The following HLA-DOA variants were observed in gnomAD, a reference collection of about 807,000 sequenced individuals.
The protein encoded by HLA-DOA is HLA class II histocompatibility antigen, DO alpha chain.
A neutral mutation model predicts 22.9 loss-of-function variants in HLA-DOA; 27 were observed. The ratio of observed to expected loss-of-function variants is 1.18; its 90% CI spans 0.87 to 1.62. The LOEUF is 1.62. HLA-DOA is among the 40% of genes most tolerant of loss of function. The probability of loss-of-function intolerance (pLI) is 0.00; values close to 1 mark genes in which losing one functional copy is unlikely to be tolerated. For synonymous variants in HLA-DOA, 137 were observed against 138.6 expected, an observed-to-expected ratio of 0.99 and a Z score of 0.08; for missense variants, 324 against 332.4, an observed-to-expected ratio of 0.97 and a Z score of 0.20.
rs2127549503 is a variant in HLA-DOA at position 33,007,108 on chromosome 6, T to C, written c.721A>G (p.Met241Val). 4.3e-6 allele frequency: 7 copies of C among 1,613,568 alleles called. No homozygotes were observed. Among genetic ancestry groups the C allele is most frequent in the Non-Finnish European group, 5.9e-6 (7 of 1,179,896 alleles). ...GFLVGTVLIIMGTYVSSVPR is the reference protein window; with the variant it reads ...GFLVGTVLIIVGTYVSSVPR The stretch of plus-strand genomic sequence containing the variant: ...GGGACACTGGACACATATGTGCCCA[T>C]GATGATGAGGACGGTGCCCACGAGG... Residue 241 changes from methionine (M) to valine (V), a missense_variant, in exon 4 of 5, where the codon ATG becomes GTG. Met to Val is a conservative substitution (Grantham distance 21, BLOSUM62 1). Transcript: ENST00000229829.
chr6:33,008,241 C>G lies in HLA-DOA; in HGVS notation c.103G>C (p.Gly35Arg). The G allele has an allele frequency of 6.2e-7, 1 of 1,612,868 alleles. No individual in the cohort carries two copies. The highest frequency in any genetic ancestry group is 8.5e-7 in the Non-Finnish European group (1 of 1,179,998). Reference protein sequence around the residue: ...ATKADHMGSYGPAFYQSYGAS... With the variant: ...ATKADHMGSYRPAFYQSYGAS... ...CCGTAAGACTGGTAGAAGGCGGGTC[C>G]GTAGGAGCCCATGTGGTCAGCTGTG... Residue 35 changes from glycine to arginine, a missense_variant, in exon 2 of 5, where the codon GGA becomes CGA. Transcript: ENST00000229829.
At chr6:33,008,498 A>G (rs1026549678) in intron 1 of HLA-DOA, 2 of 1,155,416 alleles carry the variant, frequency 1.7e-6, no homozygotes, top group African/African-American at 3.2e-5. Context: ...GCATATCAGG[A>G]TGGGAAGAGG....
intron 1 of HLA-DOA, among the ~76,000 whole-genome samples, chr6:33,008,748 C>T (rs1197081910): frequency 7.2e-5 from 11 of 151,978 alleles, no homozygotes; most frequent in Non-Finnish European, 1.5e-4. Context: ...ACCCAGAGAC[C>T]AAGGGGATAG....
At position 33,006,403 on chromosome 6, in the gene HLA-DOA, T is replaced by C. The variant is rs1229690817; in HGVS notation, c.*435A>G. ...GGTAAACCTGAACTCAGGAGGCAAA[T>C]TTCATGAAGTCCATGTGAAATGGCT... On this transcript the variant is annotated 3_prime_UTR_variant, in exon 5 of 5. Transcript: ENST00000229829. The C allele has an allele frequency of 3.7e-6, 1 of 267,196 alleles. No individual in the cohort carries two copies. The highest frequency in any genetic ancestry group is 7.3e-6 in the Non-Finnish European group (1 of 137,210). 16.6% of individuals were successfully genotyped at this position (267,196 alleles called of 1,614,324 possible). A position where few individuals can be genotyped will look rare whatever the true frequency, so the allele number is the denominator to read the frequency against.
chr6:33,009,008 A>G lies in HLA-DOA; in HGVS notation c.82+447T>C, dbSNP rs1780948251. 6.6e-6 allele frequency among the ~76,000 whole-genome samples: 1 copy of G among 152,216 alleles called. No homozygotes were observed. The highest frequency in any genetic ancestry group is 2.4e-5 in the African/African-American group (1 of 41,448). The stretch of plus-strand genomic sequence containing the variant: ...GGGCCAGGGAAATAAAAGAAAAAAA[A>G]GATGAACCATCTGTAGACCCGCACC... On this transcript the variant is annotated intron_variant, in intron 1 of 4. Transcript: ENST00000229829. This position sits in a 1 kb window ranked among gnomAD's most constrained non-coding sequence, Gnocchi z 4.8.
chr6:33,007,910 C>A, intron 2 of HLA-DOA, 103 bp downstream of exon 2: 1 of 1,409,592 alleles, frequency 7.1e-7, no homozygotes, highest in Non-Finnish European at 9.6e-7. Flanking sequence ...ATGACAGGCG[C>A]GGGCGCTGAG....
intron 1 of HLA-DOA, among the ~76,000 whole-genome samples, chr6:33,008,801 G>A (rs1029327563): frequency 2.0e-5 from 3 of 152,168 alleles, no homozygotes; most frequent in African/African-American, 4.8e-5. Flanking sequence ...TGGACGAGGA[G>A]TCAGAAGTCA....
In HLA-DOA at chr6:33,007,163, G is replaced by C. The variant is rs1209899271; in HGVS notation, c.666C>G (p.Ala222=). The C allele has an allele frequency of 6.2e-7, 1 of 1,613,896 alleles. No homozygotes were observed. The highest frequency in any genetic ancestry group is 8.5e-7 in the Non-Finnish European group (1 of 1,180,008). The change falls in exon 4 of 5, where the codon GCC becomes GCG. Residue 222 remains alanine (A), a synonymous_variant. Transcript: ENST00000229829. ...PPDAMETLVC[A]LGLAIGLVGF... ...CCACCAGGCCGATGGCCAGGCCCAGGGCACAGACCAGGGTCTCCATGGCAT... is the reference window on the plus strand; with the variant it reads ...CCACCAGGCCGATGGCCAGGCCCAGCGCACAGACCAGGGTCTCCATGGCAT...
intron 1 of HLA-DOA, chr6:33,008,507 G>A (rs1582987110): frequency 1.9e-6 from 2 of 1,054,050 alleles, no homozygotes; most frequent in East Asian, 3.7e-5. Context: ...GATGGGAAGA[G>A]GAGGGACTGC....
chr6:33,007,084 G>A lies in HLA-DOA; in HGVS notation c.745C>T (p.Pro249Ser). The A allele has an allele frequency of 6.2e-7, 1 of 1,610,402 alleles. No individual in the cohort carries two copies. Among genetic ancestry groups the A allele is most frequent in the South Asian group, 1.1e-5 (1 of 90,824 alleles). ...IIMGTYVSSV[P>S]R ...AGACTCCCGGGGCCTCTGCACCTGG[G>A]GACACTGGACACATATGTGCCCATG... The change falls in exon 4 of 5, where the codon CCC (proline) becomes TCC (serine). Residue 249 changes from proline (P) to serine (S), a missense_variant. Physicochemically the swap from Pro to Ser is moderately conservative, Grantham distance 74 (BLOSUM62 -1). Coordinates refer to ENST00000229829, the MANE Select transcript of HLA-DOA (RefSeq NM_002119.4).
At chr6:33,008,477 A>G in intron 1 of HLA-DOA, 2 of 1,295,630 alleles carry the variant, frequency 1.5e-6, no homozygotes, top group Non-Finnish European at 2.0e-6. Flanking sequence ...GCACAGAGAC[A>G]GTGCAGTCTG....
chr6:33,006,897 C>G (rs1347052623), intron 4 of HLA-DOA, 56 bp from the exon 5 acceptor site: 1 of 1,514,288 alleles, frequency 6.6e-7, no homozygotes, highest in East Asian at 2.3e-5. Flanking sequence ...TGCTGGGATC[C>G]TATCTCTGAG....
Position 33,006,534 on chromosome 6 carries a change from C to G in HLA-DOA, c.*304G>C. On this transcript the variant is annotated 3_prime_UTR_variant, in exon 5 of 5. Transcript: ENST00000229829. ...ACCACATGCCTCACCCCTGGAAGAACTGGCCAAGGCCTGGAAAGGACACAG... is the reference window on the plus strand; with the variant it reads ...ACCACATGCCTCACCCCTGGAAGAAGTGGCCAAGGCCTGGAAAGGACACAG... 1 of 562,664 alleles carries G rather than the reference C, an allele frequency of 1.8e-6. No individual in the cohort carries two copies. Among genetic ancestry groups the G allele is most frequent in the South Asian group, 2.2e-5 (1 of 46,066 alleles). The allele number at this position is 562,664 out of a possible 1,614,324, so 34.9% of individuals were successfully genotyped here. A position where few individuals can be genotyped will look rare whatever the true frequency, so the allele number is the denominator to read the frequency against.
rs1227679680 is a variant in HLA-DOA at position 33,007,589 on chromosome 6, G to A, written c.335C>T (p.Pro112Leu). 2 of 1,609,850 alleles carry A rather than the reference G, an allele frequency of 1.2e-6. No individual in the cohort carries two copies. The highest frequency in any genetic ancestry group is 1.1e-5 in the South Asian group (1 of 90,516). ...RSNRSRAINV[P>L]PRVTVLPKSR... ...CTTGGGGAGCACGGTCACCCGTGGA[G>A]GCACTAGGAGGAACAGGCCCTGAGT... The change falls in exon 3 of 5, where the codon CCT becomes CTT. Residue 112 changes from proline to leucine, a missense_variant. Pro to Leu is a moderately conservative substitution (Grantham distance 98). Transcript: ENST00000229829.
chr6:33,008,982 G>T (rs86567), intron 1 of HLA-DOA, among the ~76,000 whole-genome samples: 94,082 of 151,942 alleles, frequency 0.62, 29,621 homozygotes, highest in South Asian at 0.77. Context: ...AGCACAATGG[G>T]GGGCCAGGGA....
rs1408487418 is a variant in HLA-DOA at position 33,004,636 on chromosome 6, G to A, written c.*2202C>T. 1 of 152,204 alleles carries A rather than the reference G, an allele frequency of 6.6e-6. No individual in the cohort carries two copies. The highest frequency in any genetic ancestry group is 2.1e-4 in the South Asian group (1 of 4,804). 9.4% of individuals were successfully genotyped at this position (152,204 alleles called of 1,614,324 possible). A position where few individuals can be genotyped will look rare whatever the true frequency, so the allele number is the denominator to read the frequency against. On this transcript the variant is annotated 3_prime_UTR_variant, in exon 5 of 5. Transcript: ENST00000229829. ...AGAGAGAGAACACCGCTAACATGCA[G>A]GGGGGTCTAGAGAACACAGACCATG...
At chr6:33,007,650 G>T in intron 2 of HLA-DOA, 58 bp from the exon 3 acceptor site, 1 of 1,540,652 alleles carries the variant, frequency 6.5e-7, no homozygotes, top group Non-Finnish European at 8.8e-7. Flanking sequence ...GCCTTACTAG[G>T]ACTGGGATTA....
In HLA-DOA at chr6:33,005,719, AGG is replaced by A. The variant is rs1780783260; in HGVS notation, c.*1117_*1118del. On this transcript the variant is annotated 3_prime_UTR_variant, in exon 5 of 5. Transcript: ENST00000229829. ...CAGCCTCCCCAGTGGCTGGGAATAC[AGG>A]TGCGAGCCACCATGCCTGGTTAATT... 6.6e-6 allele frequency: 1 copy of A among 152,100 alleles called. No homozygotes were observed. The highest frequency in any genetic ancestry group is 6.5e-5 in the Admixed American group (1 of 15,270). 9.4% of individuals were successfully genotyped at this position (152,100 alleles called of 1,614,324 possible).
chr6:33,007,568 G>C lies in HLA-DOA; in HGVS notation c.356C>G (p.Pro119Arg). The C allele has an allele frequency of 1.2e-6, 2 of 1,612,522 alleles. No individual in the cohort carries two copies. Among genetic ancestry groups the C allele is most frequent in the Admixed American group, 1.7e-5 (1 of 59,930 alleles). Reference protein sequence around the residue: ...INVPPRVTVLPKSRVELGQPN... With the variant: ...INVPPRVTVLRKSRVELGQPN... ...CTGGCCCAGCTCCACCCGAGACTTG[G>C]GGAGCACGGTCACCCGTGGAGGCAC... Residue 119 changes from proline (P) to arginine (R), a missense_variant, in exon 3 of 5, where the codon CCC (proline) becomes CGC (arginine). Transcript: ENST00000229829.
Sources: allele counts gnomAD v4.1 joint callset (sites outside exome capture counted in the v4.1 genomes callset), GRCh38; gene constraint gnomAD v4.1.1; non-coding constraint Gnocchi (gnomAD v3.1); transcripts MANE v1.5; gene names NCBI Gene and HGNC (gene_info 2026-07-23, HGNC 2026-07-21).